The following NOL4 variants were observed in gnomAD, a reference collection of about 807,000 sequenced individuals.
The protein encoded by NOL4 is cancer/testis antigen 125.
NOL4 carries 17 observed loss-of-function variants against 75.9 expected under a neutral mutation model. The observed-to-expected ratio is 0.22, with a 90% confidence interval of 0.15 to 0.34. The LOEUF (loss-of-function observed/expected upper bound fraction) is 0.34. Ranked by LOEUF, NOL4 falls within the 10% of genes least tolerant of loss-of-function variation. The pLI is 1.00. For missense variants in NOL4, 614 were observed against 793.5 expected, an observed-to-expected ratio of 0.77 and a Z score of 2.72; for synonymous variants, 292 against 289.9, an observed-to-expected ratio of 1.01 and a Z score of -0.07.
chr18:34,028,977 C>T (rs935395944), intron 5 of NOL4, among the ~76,000 whole-genome samples: 1 of 152,122 alleles, frequency 6.6e-6, no homozygotes, highest in African/African-American at 2.4e-5. Flanking sequence ...GTCCCTTCCT[C>T]CTTTCCTTCC....
intron 1 of NOL4, among the ~76,000 whole-genome samples, chr18:34,210,348 C>T (rs371056610): frequency 6.6e-5 from 10 of 152,004 alleles, no homozygotes; most frequent in African/African-American, 2.4e-4. Flanking sequence ...CTTTTTTTCC[C>T]ATAGGTCTTT....
chr18:34,098,873 C>G (rs898830840), intron 4 of NOL4, among the ~76,000 whole-genome samples: 3 of 152,072 alleles, frequency 2.0e-5, no homozygotes, highest in African/African-American at 7.2e-5. Context: ...GCCCCATCTG[C>G]AAAATGGAGG....
chr18:34,174,634 C>T lies in NOL4; in HGVS notation c.265-44614G>A, dbSNP rs537765251. On this transcript the variant is annotated intron_variant, in intron 1 of 10. Coordinates refer to ENST00000261592, the MANE Select transcript of NOL4 (RefSeq NM_003787.5). ...TGGTGGTTTGCTGCACCCATCAGCC[C>T]GTCACCTACATTAGGTACTTCTCCT... Among the ~76,000 whole-genome samples, 6 of 152,052 alleles carry T rather than the reference C, an allele frequency of 3.9e-5. No homozygotes were observed. The South Asian group carries it at 8.3e-4, about 21-fold the overall frequency.
intron 9 of NOL4, among the ~76,000 whole-genome samples, chr18:33,887,391 G>A (rs1791341345): frequency 1.3e-5 from 2 of 149,588 alleles, no homozygotes; most frequent in South Asian, 2.1e-4. Context: ...GTTATTCTTT[G>A]CTGTTAGAAA....
chr18:34,162,240 A>G (rs1306060425), intron 1 of NOL4, among the ~76,000 whole-genome samples: 2 of 152,200 alleles, frequency 1.3e-5, no homozygotes, highest in African/African-American at 2.4e-5. Context: ...CTAAAATCAG[A>G]GCAGAACTGA....
rs747030130 is a variant in NOL4 at position 34,149,383 on chromosome 18, C to T, written c.265-19363G>A. 1.3e-5 allele frequency among the ~76,000 whole-genome samples: 2 copies of T among 151,462 alleles called. 1 individual carries two copies. The highest frequency in any genetic ancestry group is 3.0e-5 in the Non-Finnish European group (2 of 67,638). On this transcript the variant is annotated intron_variant, in intron 1 of 10. Coordinates refer to ENST00000261592, the MANE Select transcript of NOL4 (RefSeq NM_003787.5). ...ATAATAATCCCAGAAAATAAAAGGA[C>T]TTTTATTTTGGGAAAATTCTGGGAC...
intron 5 of NOL4, among the ~76,000 whole-genome samples, chr18:34,076,282 A>G (rs2077740687): frequency 2.0e-5 from 3 of 152,132 alleles, no homozygotes; most frequent in African/African-American, 4.8e-5. Flanking sequence ...CTCCATGGTT[A>G]GCAGCTTTGT....
At chr18:34,168,985 C>T (rs988312093) in intron 1 of NOL4, among the ~76,000 whole-genome samples, 1 of 151,832 alleles carries the variant, frequency 6.6e-6, no homozygotes, top group African/African-American at 2.4e-5. Flanking sequence ...AACCAAAACA[C>T]ATTTTCAGAC....
At chr18:33,880,925 T>C (rs2144645183) in intron 10 of NOL4, among the ~76,000 whole-genome samples, 1 of 152,224 alleles carries the variant, frequency 6.6e-6, no homozygotes, top group South Asian at 2.1e-4. Context: ...ACAATCATTA[T>C]GTATTAAATG....
intron 9 of NOL4, among the ~76,000 whole-genome samples, chr18:33,941,706 A>G (rs1439122175): frequency 6.6e-6 from 1 of 151,918 alleles, no homozygotes; most frequent in Non-Finnish European, 1.5e-5. Context: ...TGGAGTAATC[A>G]AAGCACACAG....
At chr18:34,158,942 T>C (rs2030945050) in intron 1 of NOL4, among the ~76,000 whole-genome samples, 1 of 152,082 alleles carries the variant, frequency 6.6e-6, no homozygotes, top group Non-Finnish European at 1.5e-5. Context: ...AAGGCAGGCA[T>C]GGTAATGGAA....
chr18:34,117,473 T>C (rs1013186822), intron 2 of NOL4, among the ~76,000 whole-genome samples: 1 of 152,210 alleles, frequency 6.6e-6, no homozygotes, highest in Non-Finnish European at 1.5e-5. Flanking sequence ...TGAAGTTCTT[T>C]ATAAGTGTAA....
intron 9 of NOL4, among the ~76,000 whole-genome samples, chr18:33,920,184 AG>A (rs2066948472): frequency 6.6e-6 from 1 of 152,090 alleles, no homozygotes; most frequent in Non-Finnish European, 1.5e-5. Flanking sequence ...GGAAGGAGAG[AG>A]GGAAGATGAG....
At chr18:34,070,055 G>A (rs889065567) in intron 5 of NOL4, among the ~76,000 whole-genome samples, 2 of 152,126 alleles carry the variant, frequency 1.3e-5, no homozygotes, top group African/African-American at 4.8e-5. Context: ...TTTTTGAGAC[G>A]GAGTCTCGCT....
chr18:34,047,755 A>G (rs2076447949), intron 5 of NOL4, among the ~76,000 whole-genome samples: 1 of 152,104 alleles, frequency 6.6e-6, no homozygotes, highest in Middle Eastern at 3.2e-3. Flanking sequence ...AGCACAAACC[A>G]AAGAGGAAAA....
At chr18:34,117,734 A>C (rs1198238835) in intron 2 of NOL4, among the ~76,000 whole-genome samples, 1 of 152,218 alleles carries the variant, frequency 6.6e-6, no homozygotes, top group African/African-American at 2.4e-5. Context: ...TCCATTTTTA[A>C]TAGAATTTAG....
chr18:34,120,797 T>C (rs780217258), intron 2 of NOL4, among the ~76,000 whole-genome samples: 1 of 152,114 alleles, frequency 6.6e-6, no homozygotes, highest in Admixed American at 6.5e-5. Flanking sequence ...CATTTCACCA[T>C]ATGATATAAA....
intron 5 of NOL4, among the ~76,000 whole-genome samples, chr18:34,051,036 A>G (rs537930066): frequency 2.0e-5 from 3 of 152,182 alleles, no homozygotes; most frequent in East Asian, 3.9e-4. Flanking sequence ...CAGAATGGAC[A>G]TAATAAGAGT....
chr18:34,221,895 A>C, intron 1 of NOL4: 1 of 715,916 alleles, frequency 1.4e-6, no homozygotes, highest in Non-Finnish European at 2.3e-6. Flanking sequence ...GGAATACTGC[A>C]CCGGGAAACA....
Sources: gnomAD v4.1 joint callset for allele counts (sites outside exome capture counted in the v4.1 genomes callset) on GRCh38, gnomAD v4.1.1 for gene constraint, MANE v1.5 for transcripts, NCBI Gene and HGNC (gene_info 2026-07-23, HGNC 2026-07-21) for gene names.